VPS8: variants seen among roughly 807,000 people sequenced by gnomAD.
VPS8 encodes the protein vacuolar protein sorting-associated protein 8 homolog.
Under a neutral mutation model 216.4 loss-of-function variants are expected in VPS8, and 129 were observed. The ratio of observed to expected loss-of-function variants is 0.60; its 90% CI spans 0.52 to 0.69. The LOEUF (loss-of-function observed/expected upper bound fraction) is 0.69, where lower values mean the gene tolerates loss of function less well. Ranked by LOEUF, VPS8 falls within the 30% of genes least tolerant of loss-of-function variation. VPS8 has a pLI of 0.00. For missense variants in VPS8, 1,531 were observed against 1,683.5 expected, an observed-to-expected ratio of 0.91 and a Z score of 1.59; for synonymous variants, 571 against 565.4, an observed-to-expected ratio of 1.01 and a Z score of -0.14.
At chr3:184,839,868 A>G (rs1721798287) in intron 7 of VPS8, 116 bp downstream of exon 7, 3 of 1,441,304 alleles carry the variant, frequency 2.1e-6, no homozygotes, top group Admixed American at 6.0e-5. Flanking sequence ...AACCAGAAAA[A>G]CTTGAAAAGT....
At position 184,929,640 on chromosome 3, in the gene VPS8, C is replaced by A. The variant is rs1373963673; in HGVS notation, c.2775C>A (p.Cys925Ter). 3 of 1,527,724 alleles carry A rather than the reference C, an allele frequency of 2.0e-6. No homozygotes were observed. Among genetic ancestry groups the A allele is most frequent in the Non-Finnish European group, 1.8e-6 (2 of 1,132,684 alleles). 94.6% of individuals were successfully genotyped at this position (1,527,724 alleles called of 1,614,324 possible). A position where few individuals can be genotyped will look rare whatever the true frequency, so the allele number is the denominator to read the frequency against. The change falls in exon 33 of 48, where the codon TGC becomes TGA. Residue 925 changes from cysteine to a stop codon, truncating the protein, a stop_gained. Transcript: ENST00000625842. LOFTEE classifies it high-confidence loss of function. ...REHQYDKIID[C>*]YLRDPLREEE... is the part of the protein sequence containing the mutation. The stretch of plus-strand genomic sequence containing the variant: ...ACCAATATGATAAAATTATTGATTG[C>A]TACTTACGTGACCCTCTGCGAGAGG...
Position 185,012,093 on chromosome 3 carries a change from A to T in VPS8, c.4002+12232A>T, listed in dbSNP as rs1371172663. ...AGTAAATTTGAATATAGTTCAATAG[A>T]AATGATAATTGTAACTGAAGCACAG... is the stretch of plus-strand genomic sequence containing the variant. On this transcript the variant is annotated intron_variant, in intron 45 of 47. Transcript: ENST00000625842. 1.3e-5 allele frequency among the ~76,000 whole-genome samples: 2 copies of T among 151,866 alleles called. 1 individual carries two copies. Among genetic ancestry groups the T allele is most frequent in the Non-Finnish European group, 2.9e-5 (2 of 67,948 alleles).
intron 24 of VPS8, 110 bp from the exon 25 acceptor site, chr3:184,900,811 G>A (rs1560589994): frequency 1.1e-6 from 1 of 904,650 alleles, no homozygotes; most frequent in South Asian, 1.8e-5. Context: ...AATCTTAATG[G>A]TAAATGACTA....
In VPS8 at chr3:184,982,464, G is replaced by A. The variant is rs754629720; in HGVS notation, c.3421-102G>A. The A allele has an allele frequency of 8.2e-5, 62 of 755,232 alleles. No individual in the cohort carries two copies. In the Middle Eastern group the frequency reaches 1.6e-3, roughly 20 times the overall value. The allele number at this position is 755,232 out of a possible 1,614,324, so 46.8% of individuals were successfully genotyped here. On this transcript the variant is annotated intron_variant, in intron 40 of 47. Coordinates refer to ENST00000625842, the MANE Select transcript of VPS8 (RefSeq NM_001009921.3). ...ACCAACAAATGTATGTGAGAAGTAC[G>A]TTTCAACCTGTAAAACATCATGCTG... is the stretch of plus-strand genomic sequence containing the variant.
intron 25 of VPS8, among the ~76,000 whole-genome samples, chr3:184,906,630 G>A (rs552111541): frequency 6.8e-4 from 104 of 152,310 alleles, no homozygotes; most frequent in Non-Finnish European, 9.4e-4. Flanking sequence ...AGGGAGATGG[G>A]GAAATAGGCA....
intron 5 of VPS8, among the ~76,000 whole-genome samples, chr3:184,837,639 T>G (rs1463399183): frequency 1.3e-5 from 2 of 152,016 alleles, no homozygotes; most frequent in African/African-American, 4.8e-5. Context: ...TGTACTGGAG[T>G]AAGTTTAAGT....
chr3:184,842,704 T>A (rs1313886257), intron 7 of VPS8, among the ~76,000 whole-genome samples: 4 of 152,218 alleles, frequency 2.6e-5, no homozygotes, highest in African/African-American at 9.6e-5. Flanking sequence ...CAAGAAGAGC[T>A]ATACTTGTTT....
In VPS8 at chr3:184,982,590, G is replaced by A. The variant is rs751142126; in HGVS notation, c.3445G>A (p.Ala1149Thr). The A allele has an allele frequency of 6.2e-7, 1 of 1,613,186 alleles. No individual in the cohort carries two copies. Among genetic ancestry groups the A allele is most frequent in the South Asian group, 1.1e-5 (1 of 90,922 alleles). The part of the protein sequence containing the change: ...REALWFPLLE[A>T]MMAPQKLSSS... ...GGCACTTTGGTTTCCGTTATTGGAG[G>A]CAATGATGGCCCCTCAGAAGCTGTC... The change falls in exon 41 of 48, where the codon GCA becomes ACA. Residue 1149 changes from alanine (A) to threonine (T), a missense_variant. Around this residue, in one of 3 missense-constraint regions of VPS8, gnomAD observed 1,318 missense variants for 1,468.4 expected, o/e 0.90. Coordinates refer to ENST00000625842, the MANE Select transcript of VPS8 (RefSeq NM_001009921.3).
At chr3:184,893,399 A>T (rs1732744246) in intron 22 of VPS8, 2 of 1,087,466 alleles carry the variant, frequency 1.8e-6, no homozygotes, top group Non-Finnish European at 2.3e-6. Flanking sequence ...GGAAAAAGTA[A>T]ATAATCTCAA....
At chr3:184,963,938 T>A (rs1325784399) in intron 37 of VPS8, among the ~76,000 whole-genome samples, 1 of 152,196 alleles carries the variant, frequency 6.6e-6, no homozygotes, top group East Asian at 1.9e-4. Flanking sequence ...AAACATTTTT[T>A]CTAACCTGTT....
At position 184,820,123 on chromosome 3, in the gene VPS8, ATTG is replaced by A. The variant is rs1306170480; in HGVS notation, c.-88-4418_-88-4416del. On this transcript the variant is annotated intron_variant, in intron 1 of 47. Transcript: ENST00000625842. The stretch of plus-strand genomic sequence containing the variant: ...AGGATCCACTGTCTATTCATTTCCT[ATTG>A]TTGCCGTAAATTACCGTAAAGTTAG... 2.0e-5 allele frequency among the ~76,000 whole-genome samples: 3 copies of A among 152,206 alleles called. No individual in the cohort carries two copies. The East Asian group carries it at 5.8e-4, about 29-fold the overall frequency.
chr3:184,829,682 C>T (rs995045715), intron 3 of VPS8, among the ~76,000 whole-genome samples: 2 of 152,128 alleles, frequency 1.3e-5, no homozygotes, highest in Admixed American at 6.5e-5. Context: ...TCCTTGTAAA[C>T]GTTTGAATTT....
intron 25 of VPS8, among the ~76,000 whole-genome samples, chr3:184,909,955 C>T (rs1476788196): frequency 1.3e-5 from 2 of 151,824 alleles, no homozygotes; most frequent in Admixed American, 6.6e-5. Flanking sequence ...TCTTGGTGGG[C>T]TTGAATTGCA....
intron 17 of VPS8, among the ~76,000 whole-genome samples, chr3:184,867,629 T>C (rs937295747): frequency 6.6e-6 from 1 of 152,194 alleles, no homozygotes; most frequent in Non-Finnish European, 1.5e-5. Context: ...GCAGATCACA[T>C]GAGGCTAAGA....
intron 8 of VPS8, 134 bp downstream of exon 8, chr3:184,843,379 A>C (rs1383711845): frequency 1.9e-6 from 1 of 529,964 alleles, no homozygotes; most frequent in Non-Finnish European, 3.0e-6. Flanking sequence ...TTGAAAAATT[A>C]GTTAAGTGGG....
At chr3:184,918,966 T>C (rs540640218) in intron 28 of VPS8, 1 of 152,104 alleles carries the variant, frequency 6.6e-6, no homozygotes, top group African/African-American at 2.4e-5. Context: ...GTTCCTACAG[T>C]CTCCTTGGTA....
At chr3:184,923,089 G>C (rs543355725) in intron 29 of VPS8, among the ~76,000 whole-genome samples, 8 of 152,278 alleles carry the variant, frequency 5.3e-5, no homozygotes, top group African/African-American at 1.9e-4. Context: ...GATGCAAGAA[G>C]TAGGTCAAAA....
chr3:185,044,624 C>T (rs1284541209), intron 46 of VPS8, among the ~76,000 whole-genome samples: 1 of 151,962 alleles, frequency 6.6e-6, no homozygotes, highest in East Asian at 1.9e-4. Flanking sequence ...TTATTTTTCA[C>T]TGAGCCTTTC....
chr3:184,995,899 G>A (rs934184672), intron 43 of VPS8, among the ~76,000 whole-genome samples: 2 of 152,164 alleles, frequency 1.3e-5, no homozygotes, highest in Admixed American at 6.5e-5. Flanking sequence ...ACATTACCAC[G>A]AATGCAGTTT....
Sources: allele counts gnomAD v4.1 joint callset (sites outside exome capture counted in the v4.1 genomes callset), GRCh38; gene constraint gnomAD v4.1.1; regional missense constraint gnomAD v4.1.1; transcripts MANE v1.5; gene names NCBI Gene and HGNC (gene_info 2026-07-23, HGNC 2026-07-21).